TMEM53: variants seen among roughly 807,000 people sequenced by gnomAD.
TMEM53 encodes the protein novel DUF829 domain-containing protein.
Under a neutral mutation model 21.4 loss-of-function variants are expected in TMEM53, and 14 were observed. The ratio of observed to expected loss-of-function variants is 0.65; its 90% confidence interval spans 0.43 to 1.02. The LOEUF is 1.02. Among genes scored for constraint, TMEM53 ranks in the 50% least tolerant of loss-of-function variants. TMEM53 has a pLI of 0.00. For missense variants in TMEM53, 323 were observed against 383.6 expected (o/e 0.84, Z 1.32); for synonymous variants, 148 against 157.4 (o/e 0.94, Z 0.45).
At position 44,654,940 on chromosome 1, in the gene TMEM53, C is replaced by T. The variant is rs375903567; in HGVS notation, c.453G>A (p.Leu151=). Residue 151 remains leucine, a synonymous_variant, in exon 3 of 3, where the codon CTG becomes CTA. Coordinates refer to ENST00000372237, the MANE Select transcript of TMEM53 (RefSeq NM_024587.4). This position sits in a 1 kb window ranked among gnomAD's most constrained non-coding sequence, Gnocchi z 7.0. ...IFDSAPGDSN[L]VGALRALAAI... ...CTGCCAGGGCCCGCAGAGCCCCTAC[C>T]AGGTTGCTGTCACCAGGAGCGCTGT... 9.9e-6 allele frequency: 16 copies of T among 1,613,622 alleles called. 1 individual carries two copies. The highest frequency in any genetic ancestry group is 1.7e-6 in the Non-Finnish European group (2 of 1,179,906).
At position 44,654,760 on chromosome 1, in the gene TMEM53, G is replaced by A. The variant is rs34385786; in HGVS notation, c.633C>T (p.Pro211=). 9.0e-4 allele frequency: 1,457 copies of A among 1,614,064 alleles called. 12 individuals are homozygous for A. In the African/African-American group the frequency reaches 0.016, roughly 17 times the overall value. ...CAGCCCTCGAGTAGAGGTAGAGCTC[G>A]GGCCAGCGAGAGCCCGCGTCCTGTA... The part of the protein sequence containing the change: ...DRLQDAGSRW[P]ELYLYSRADE... The change falls in exon 3 of 3, where the codon CCC becomes CCT. Residue 211 remains proline, a synonymous_variant. Coordinates refer to ENST00000372237, the MANE Select transcript of TMEM53 (RefSeq NM_024587.4). The surrounding 1 kb of genome is among the most constrained non-coding windows in gnomAD (Gnocchi z 7.0).
At chr1:44,667,470 G>A (rs1644959840) in intron 1 of TMEM53, among the ~76,000 whole-genome samples, 1 of 151,716 alleles carries the variant, frequency 6.6e-6, no homozygotes, top group East Asian at 1.9e-4. Context: ...ATCATGCCCG[G>A]CTAATTTTTG....
chr1:44,661,701 T>TG (rs1377414697), intron 1 of TMEM53, among the ~76,000 whole-genome samples: 1 of 152,296 alleles, frequency 6.6e-6, no homozygotes, highest in African/African-American at 2.4e-5. Flanking sequence ...GAGGTTAAGG[T>TG]ACTTGTCTAA....
At position 44,654,550 on chromosome 1, in the gene TMEM53, G is replaced by A. The variant is rs747056393; in HGVS notation, c.*9C>T. ...ATTTCTGGAGCAGAGGTGAGATGGA[G>A]CAATGGCCTCAGCAGCGGACGCAGT... is the stretch of plus-strand genomic sequence containing the variant. On this transcript the variant is annotated 3_prime_UTR_variant, in exon 3 of 3. Coordinates refer to ENST00000372237, the MANE Select transcript of TMEM53 (RefSeq NM_024587.4). This position sits in a 1 kb window ranked among gnomAD's most constrained non-coding sequence, Gnocchi z 7.0. 9.4e-6 allele frequency: 15 copies of A among 1,597,952 alleles called. No individual in the cohort carries two copies. Among genetic ancestry groups the A allele is most frequent in the South Asian group, 3.3e-5 (3 of 90,094 alleles).
chr1:44,671,276 C>A (rs1185192318), intron 1 of TMEM53, among the ~76,000 whole-genome samples: 1 of 152,224 alleles, frequency 6.6e-6, no homozygotes, highest in Non-Finnish European at 1.5e-5. Context: ...GTGTGGGCAG[C>A]CAATAGGTAC....
At chr1:44,664,190 C>T (rs1317674798) in intron 1 of TMEM53, among the ~76,000 whole-genome samples, 1 of 149,654 alleles carries the variant, frequency 6.7e-6, no homozygotes, top group Non-Finnish European at 1.5e-5. Flanking sequence ...GTAGCTCACG[C>T]ATGTAATCCC....
chr1:44,658,457 T>C (rs1225830617), intron 2 of TMEM53, among the ~76,000 whole-genome samples: 4 of 152,254 alleles, frequency 2.6e-5, no homozygotes, highest in African/African-American at 9.6e-5. Flanking sequence ...TCCAAGGTCC[T>C]GACTACCCTC....
intron 1 of TMEM53, among the ~76,000 whole-genome samples, chr1:44,671,813 C>T (rs1645003775): frequency 6.6e-6 from 1 of 152,182 alleles, no homozygotes; most frequent in Admixed American, 6.5e-5. Context: ...CCTGTAGTCC[C>T]AGCTACTTGG....
intron 2 of TMEM53, among the ~76,000 whole-genome samples, chr1:44,657,313 G>T (rs1390174612): frequency 6.6e-6 from 1 of 152,182 alleles, no homozygotes; most frequent in Non-Finnish European, 1.5e-5. Context: ...CCGCTGTAAA[G>T]GATGCTTTAG....
At chr1:44,668,794 C>T (rs997021485) in intron 1 of TMEM53, among the ~76,000 whole-genome samples, 4 of 152,226 alleles carry the variant, frequency 2.6e-5, no homozygotes, top group Admixed American at 1.3e-4. Context: ...CCACCCCCCT[C>T]GGCCTCCCAA....
chr1:44,670,452 G>A (rs766818197), intron 1 of TMEM53, among the ~76,000 whole-genome samples: 1 of 152,140 alleles, frequency 6.6e-6, no homozygotes, highest in Non-Finnish European at 1.5e-5. Context: ...GTTCAAGGTG[G>A]TATGGCCATG....
chr1:44,653,818 C>A lies in TMEM53; in HGVS notation c.*741G>T, dbSNP rs1644822147. On this transcript the variant is annotated 3_prime_UTR_variant, in exon 3 of 3. Coordinates refer to ENST00000372237, the MANE Select transcript of TMEM53 (RefSeq NM_024587.4). ...AAAGGTCACCTTCCATTCAAGGAAT[C>A]AAAACTCAACTCTGGTAACAGGCAC... The A allele has an allele frequency of 6.6e-6, 1 of 152,262 alleles. No homozygotes were observed. Among genetic ancestry groups the A allele is most frequent in the Admixed American group, 6.5e-5 (1 of 15,288 alleles). 9.4% of individuals were successfully genotyped at this position (152,262 alleles called of 1,614,324 possible). A position where few individuals can be genotyped will look rare whatever the true frequency, so the allele number is the denominator to read the frequency against.
In TMEM53 at chr1:44,654,841, G is replaced by T; in HGVS notation, c.552C>A (p.Phe184Leu). ...CTGTGATGGGAGCAAGCAGGACGTG[G>T]AACAGGACGACCACCAGGGCAAAGG... is the stretch of plus-strand genomic sequence containing the variant. ...LVAFALVVVLFHVLLAPITAL... is the reference protein window; with the variant it reads ...LVAFALVVVLLHVLLAPITAL... The change falls in exon 3 of 3, where the codon TTC (phenylalanine) becomes TTA (leucine). Residue 184 changes from phenylalanine (F) to leucine (L), a missense_variant. Phe to Leu is a conservative substitution (Grantham distance 22, BLOSUM62 0). Around this residue, in one of 3 missense-constraint regions of TMEM53, gnomAD observed 269 missense variants for 334.5 expected, o/e 0.80. Transcript: ENST00000372237. This position sits in a 1 kb window ranked among gnomAD's most constrained non-coding sequence, Gnocchi z 7.0. 1 of 1,613,098 alleles carries T rather than the reference G, an allele frequency of 6.2e-7. No homozygotes were observed.
intron 1 of TMEM53, among the ~76,000 whole-genome samples, chr1:44,670,651 A>G (rs915659024): frequency 2.6e-5 from 4 of 152,270 alleles, no homozygotes; most frequent in South Asian, 2.1e-4. Context: ...AATGATGTCT[A>G]TATTTCTTTG....
At chr1:44,669,188 A>T (rs1351373787) in intron 1 of TMEM53, among the ~76,000 whole-genome samples, 1 of 152,208 alleles carries the variant, frequency 6.6e-6, no homozygotes, top group Non-Finnish European at 1.5e-5. Flanking sequence ...TTGGAATCAT[A>T]TTGTTTGTAA....
At chr1:44,665,495 G>A (rs1207701569) in intron 1 of TMEM53, among the ~76,000 whole-genome samples, 2 of 152,108 alleles carry the variant, frequency 1.3e-5, no homozygotes, top group East Asian at 1.9e-4. Context: ...AATTAGCTGG[G>A]CACGGTGGTG....
Position 44,674,368 on chromosome 1 carries a change from G to A in TMEM53, c.24C>T (p.Tyr8=), listed in dbSNP as rs370459038. 1.2e-5 allele frequency: 20 copies of A among 1,612,908 alleles called. No homozygotes were observed. The African/African-American group carries it at 1.3e-4, about 11-fold the overall frequency. The stretch of plus-strand genomic sequence containing the variant: ...AGGGCTGATCCGGGATCTCGATGGT[G>A]TAGTCCAGCTCTGCCGAGGCCATGG... MASAELD[Y]TIEIPDQPCW... is the part of the protein sequence containing the mutation. Residue 8 remains tyrosine, a synonymous_variant, in exon 1 of 3, where the codon TAC becomes TAT. Coordinates refer to ENST00000372237, the MANE Select transcript of TMEM53 (RefSeq NM_024587.4).
At chr1:44,657,034 C>CA (rs1296717520) in intron 2 of TMEM53, among the ~76,000 whole-genome samples, 3 of 149,732 alleles carry the variant, frequency 2.0e-5, no homozygotes, top group South Asian at 4.2e-4. Flanking sequence ...AGAACAACAA[C>CA]AAAAAAAATA....
chr1:44,664,684 A>G (rs910788261), intron 1 of TMEM53, among the ~76,000 whole-genome samples: 15 of 152,078 alleles, frequency 9.9e-5, no homozygotes, highest in East Asian at 1.9e-4. Flanking sequence ...ACCTGTATAC[A>G]TGGCTGCCTC....
Sources: allele counts gnomAD v4.1 joint callset (sites outside exome capture counted in the v4.1 genomes callset), GRCh38; gene constraint gnomAD v4.1.1; regional missense constraint gnomAD v4.1.1; non-coding constraint Gnocchi (gnomAD v3.1); transcripts MANE v1.5; gene names NCBI Gene and HGNC (gene_info 2026-07-23, HGNC 2026-07-21).